The following ITSN2 variants were observed in gnomAD, a reference collection of about 807,000 sequenced individuals.
ITSN2 encodes intersectin-2.
A neutral mutation model predicts 243.7 loss-of-function variants in ITSN2; 156 were observed. The observed-to-expected ratio is 0.64, with a 90% CI of 0.56 to 0.73. The LOEUF (loss-of-function observed/expected upper bound fraction) is 0.73. Ranked by LOEUF, ITSN2 falls within the 30% of genes least tolerant of loss-of-function variation. The pLI, the probability that ITSN2 is intolerant of heterozygous loss-of-function variation, is 0.00. For missense variants in ITSN2, 1,801 were observed against 1,996.1 expected (o/e 0.90, Z 1.86); for synonymous variants, 703 against 699.9 (o/e 1.00, Z -0.07).
At chr2:24,218,617 G>T (rs1465963934) in intron 30 of ITSN2, among the ~76,000 whole-genome samples, 1 of 152,162 alleles carries the variant, frequency 6.6e-6, no homozygotes, top group African/African-American at 2.4e-5. Context: ...TGTTTGCAGG[G>T]TTCTCAAGTA....
At chr2:24,315,645 AGGAGGG>A (rs1407482414) in intron 2 of ITSN2, among the ~76,000 whole-genome samples, 3 of 152,162 alleles carry the variant, frequency 2.0e-5, no homozygotes, top group Non-Finnish European at 4.4e-5. Flanking sequence ...CACGTGTCAG[AGGAGGG>A]GCCTGGTGGG....
chr2:24,339,296 C>G (rs1295303705), intron 1 of ITSN2, among the ~76,000 whole-genome samples: 1 of 109,018 alleles, frequency 9.2e-6, no homozygotes, highest in Non-Finnish European at 2.1e-5. Flanking sequence ...CACAAGGAAA[C>G]TCCATCTCTA....
intron 1 of ITSN2, among the ~76,000 whole-genome samples, chr2:24,358,342 CT>C (rs894435763): frequency 6.6e-6 from 1 of 152,220 alleles, no homozygotes; most frequent in African/African-American, 2.4e-5. Context: ...AGTAGTCAAA[CT>C]TCAGGTTAAC....
At chr2:24,233,108 T>A (rs952477242) in intron 29 of ITSN2, among the ~76,000 whole-genome samples, 4 of 152,242 alleles carry the variant, frequency 2.6e-5, no homozygotes, top group Admixed American at 2.6e-4. Flanking sequence ...GCACTTTGTA[T>A]CAGTGCACTG....
chr2:24,353,316 C>G (rs1331195344), intron 1 of ITSN2, among the ~76,000 whole-genome samples: 3 of 152,170 alleles, frequency 2.0e-5, no homozygotes, highest in Non-Finnish European at 4.4e-5. Context: ...GAAAACGAGG[C>G]TACCCACAGT....
At chr2:24,327,625 T>A (rs1328333655) in intron 2 of ITSN2, among the ~76,000 whole-genome samples, 2 of 152,160 alleles carry the variant, frequency 1.3e-5, no homozygotes, top group Non-Finnish European at 2.9e-5. Flanking sequence ...TGTTTGATAT[T>A]AAACAATTAT....
At chr2:24,222,118 G>C (rs1314035254) in intron 29 of ITSN2, among the ~76,000 whole-genome samples, 1 of 152,044 alleles carries the variant, frequency 6.6e-6, no homozygotes, top group East Asian at 1.9e-4. Flanking sequence ...CAGGCGTGGT[G>C]GTGGGCGCCT....
Position 24,249,330 on chromosome 2 carries a change from GTTTTTA to G in ITSN2, c.3121-454_3121-449del, listed in dbSNP as rs1673811521. Among the ~76,000 whole-genome samples the G allele has an allele frequency of 6.6e-6, 1 of 152,138 alleles. No individual in the cohort carries two copies. Among genetic ancestry groups the G allele is most frequent in the South Asian group, 2.1e-4 (1 of 4,820 alleles). Reference sequence around the variant, plus strand: ...TGGATCTTGATGAACAGGAGACAATGTTTTTATTTTTATTTATTTTACCATCCTCCC... The same window carrying G: ...TGGATCTTGATGAACAGGAGACAATGTTTTTATTTATTTTACCATCCTCCC... On this transcript the variant is annotated intron_variant, in intron 25 of 39. Transcript: ENST00000355123. This position sits in a 1 kb window ranked among gnomAD's most constrained non-coding sequence, Gnocchi z 4.4.
chr2:24,318,692 A>G (rs2702040), intron 2 of ITSN2, among the ~76,000 whole-genome samples: 148,887 of 152,256 alleles, frequency 0.98, 72,794 homozygotes, highest in East Asian at 0.99. Context: ...TACTCTGACC[A>G]CTCCTGGACA....
chr2:24,329,416 T>C (rs574174740), intron 1 of ITSN2, among the ~76,000 whole-genome samples: 52 of 152,230 alleles, frequency 3.4e-4, no homozygotes, highest in African/African-American at 1.1e-3. Flanking sequence ...CACATCACCA[T>C]GCCCGGCTAA....
At chr2:24,209,026 T>C in intron 36 of ITSN2, 74 bp downstream of exon 36, 1 of 1,548,120 alleles carries the variant, frequency 6.5e-7, no homozygotes, top group South Asian at 1.1e-5. Context: ...CGGCTGGAGA[T>C]GGGTTTATGG....
Position 24,295,978 on chromosome 2 carries a change from G to A in ITSN2, c.1495-174C>T, listed in dbSNP as rs1331283434. ...GTTTCAGAGTTGTGTCTGTTAACTC[G>A]AGTTATTAGTGGGAAACACATCATT... On this transcript the variant is annotated intron_variant, in intron 13 of 39. Coordinates refer to ENST00000355123, the MANE Select transcript of ITSN2 (RefSeq NM_006277.3). 3.3e-5 allele frequency among the ~76,000 whole-genome samples: 5 copies of A among 152,098 alleles called. 1 individual carries two copies. Among genetic ancestry groups the A allele is most frequent in the Non-Finnish European group, 4.4e-5 (3 of 68,028 alleles).
chr2:24,351,529 C>G (rs1162541693), intron 1 of ITSN2, among the ~76,000 whole-genome samples: 5 of 152,172 alleles, frequency 3.3e-5, no homozygotes, highest in African/African-American at 1.2e-4. Flanking sequence ...ACAGTAGACC[C>G]CCTTATCTGC....
intron 1 of ITSN2, among the ~76,000 whole-genome samples, chr2:24,356,355 AAAAAAAAGAAAG>A (rs1688447047): frequency 6.6e-6 from 1 of 151,690 alleles, no homozygotes; most frequent in African/African-American, 2.4e-5. Context: ...CAAAAAAAAA[AAAAAAAAGAAAG>A]AAAAAAAGAA....
At chr2:24,328,511 GGA>G (rs1296793910) in intron 1 of ITSN2, among the ~76,000 whole-genome samples, 2 of 151,556 alleles carry the variant, frequency 1.3e-5, no homozygotes. Flanking sequence ...CACCCAGGCT[GGA>G]GTGCAGTGGT....
In ITSN2 at chr2:24,244,584, G is replaced by A. The variant is rs930908468; in HGVS notation, c.3577+1545C>T. Among the ~76,000 whole-genome samples, 8 of 152,204 alleles carry A rather than the reference G, an allele frequency of 5.3e-5. No homozygotes were observed. In the East Asian group the frequency reaches 1.5e-3, roughly 29 times the overall value. Reference sequence around the variant, plus strand: ...AGCCAAAGATCTTCCAAACCCAGTAGGTCTGAAAAGTCTTTTCCATTCTCA... The same window carrying A: ...AGCCAAAGATCTTCCAAACCCAGTAAGTCTGAAAAGTCTTTTCCATTCTCA... On this transcript the variant is annotated intron_variant, in intron 29 of 39. Coordinates refer to ENST00000355123, the MANE Select transcript of ITSN2 (RefSeq NM_006277.3).
rs371878000 is a variant in ITSN2, at chr2:24,204,451, G to A, written c.4763-33C>T. The A allele has an allele frequency of 1.0e-5, 16 of 1,592,364 alleles. No homozygotes were observed. The highest frequency in any genetic ancestry group is 8.3e-5 in the Admixed American group (5 of 59,988). On this transcript the variant is annotated intron_variant, in intron 38 of 39. Coordinates refer to ENST00000355123, the MANE Select transcript of ITSN2 (RefSeq NM_006277.3). This position sits in a 1 kb window ranked among gnomAD's most constrained non-coding sequence, Gnocchi z 5.1. ...AAAACAAACCACAGACACATGTGGT[G>A]CATGCAGGTAAAACGAAGCGACTGA... is the stretch of plus-strand genomic sequence containing the variant.
intron 1 of ITSN2, among the ~76,000 whole-genome samples, chr2:24,358,980 A>C (rs1417912696): frequency 2.6e-5 from 4 of 152,228 alleles, no homozygotes; most frequent in Non-Finnish European, 5.9e-5. Context: ...CTGCTTATTA[A>C]TATTACATCA....
At chr2:24,290,781 T>C (rs1437407811) in intron 15 of ITSN2, among the ~76,000 whole-genome samples, 1 of 152,212 alleles carries the variant, frequency 6.6e-6, no homozygotes, top group Non-Finnish European at 1.5e-5. Flanking sequence ...CATACATGCA[T>C]GGGCTTTCTT....
Sources: allele counts gnomAD v4.1 joint callset (sites outside exome capture counted in the v4.1 genomes callset), GRCh38; gene constraint gnomAD v4.1.1; non-coding constraint Gnocchi (gnomAD v3.1); transcripts MANE v1.5; gene names NCBI Gene and HGNC (gene_info 2026-07-23, HGNC 2026-07-21).